Variants in ACSS3 observed in about 807,000 individuals in gnomAD.
ACSS3 encodes the protein acyl-CoA synthetase short-chain family member 3, mitochondrial.
In ACSS3, 64 loss-of-function variants were observed where a neutral mutation model predicts 84.2. That is an observed-to-expected ratio of 0.76 (90% CI 0.62 to 0.94). The LOEUF (loss-of-function observed/expected upper bound fraction) is 0.94, where lower values mean the gene tolerates loss of function less well. ACSS3 is among the 40% of genes least tolerant of loss of function. The probability of loss-of-function intolerance (pLI) is 0.00; values close to 1 mark genes in which losing one functional copy is unlikely to be tolerated. For missense variants in ACSS3, 815 were observed against 867.6 expected, an observed-to-expected ratio of 0.94 and a Z score of 0.76; for synonymous variants, 317 against 310.1, an observed-to-expected ratio of 1.02 and a Z score of -0.23.
intron 2 of ACSS3, chr12:81,125,519 C>T (rs1170420913): frequency 6.6e-6 from 1 of 152,140 alleles, no homozygotes; most frequent in Admixed American, 6.6e-5. Context: ...CCTCATTTTC[C>T]TTTCTTTCCT....
chr12:81,145,270 A>T (rs543357134), intron 5 of ACSS3, among the ~76,000 whole-genome samples: 2 of 151,886 alleles, frequency 1.3e-5, no homozygotes, highest in Non-Finnish European at 2.9e-5. Flanking sequence ...TAAATGGAAG[A>T]TCCTTTGATA....
At chr12:81,131,741 C>T (rs550713521) in intron 2 of ACSS3, among the ~76,000 whole-genome samples, 90 of 152,198 alleles carry the variant, frequency 5.9e-4, no homozygotes, top group Non-Finnish European at 1.0e-3. Context: ...TTTGGCCATT[C>T]GGTATGATAT....
intron 4 of ACSS3, among the ~76,000 whole-genome samples, chr12:81,141,426 C>A (rs1467351456): frequency 6.6e-6 from 1 of 152,226 alleles, no homozygotes; most frequent in African/African-American, 2.4e-5. Flanking sequence ...ACCTAAGCCT[C>A]AGGCAAACAA....
intron 7 of ACSS3, among the ~76,000 whole-genome samples, chr12:81,173,187 A>C (rs2030210292): frequency 6.6e-6 from 1 of 152,212 alleles, no homozygotes; most frequent in Admixed American, 6.5e-5. Context: ...GAAAGAATAA[A>C]GTTGTAGACT....
chr12:81,125,821 TG>T (rs1885052770), intron 2 of ACSS3: 1 of 152,216 alleles, frequency 6.6e-6, no homozygotes, highest in Non-Finnish European at 1.5e-5. Flanking sequence ...ACGTGTCCAA[TG>T]TGAATGGCAT....
chr12:81,216,955 C>G lies in ACSS3; in HGVS notation c.1409C>G (p.Pro470Arg). Residue 470 changes from proline (P) to arginine (R), a missense_variant, in exon 10 of 16, where the codon CCT becomes CGT. Transcript: ENST00000548058. ...GTTGGATTAGGCAATTCTAAAACAC[C>G]TCCACCAGGGCAAGCAGGAAAAAGC... Reference protein sequence around the residue: ...SCVGLGNSKTPPPGQAGKSVP... With the variant: ...SCVGLGNSKTRPPGQAGKSVP... 6.2e-7 allele frequency: 1 copy of G among 1,611,456 alleles called. No homozygotes were observed. Among genetic ancestry groups the G allele is most frequent in the Non-Finnish European group, 8.5e-7 (1 of 1,178,206 alleles).
At chr12:81,158,608 T>A (rs1565696760) in intron 7 of ACSS3, 1 of 154,222 alleles carries the variant, frequency 6.5e-6, no homozygotes, top group Non-Finnish European at 1.5e-5. Flanking sequence ...ATCATTCTCT[T>A]TCCTTCCAAG....
intron 13 of ACSS3, among the ~76,000 whole-genome samples, chr12:81,252,619 T>A (rs1009555069): frequency 1.3e-5 from 2 of 152,032 alleles, no homozygotes; most frequent in African/African-American, 2.4e-5. Flanking sequence ...ATATATATAT[T>A]AACCCTAAGC....
At chr12:81,142,179 G>C (rs907038201) in intron 4 of ACSS3, among the ~76,000 whole-genome samples, 1 of 152,180 alleles carries the variant, frequency 6.6e-6, no homozygotes, top group Non-Finnish European at 1.5e-5. Context: ...TCTCTAGATA[G>C]TAGATCTCAT....
rs555328534 is a variant in ACSS3 at position 81,087,117 on chromosome 12, A to G, written c.311+8686A>G. ...GTCCAATTGGAAATACGAGGATAGT[A>G]AAAAACAGAAGGTCTTTCAAATACT... On this transcript the variant is annotated intron_variant, in intron 1 of 15. Transcript: ENST00000548058. Among the ~76,000 whole-genome samples, 52 of 152,276 alleles carry G rather than the reference A, an allele frequency of 3.4e-4. 1 individual carries two copies. In the South Asian group the frequency reaches 1.0e-2, roughly 29 times the overall value.
intron 4 of ACSS3, 53 bp downstream of exon 4, chr12:81,139,318 G>A (rs758516692): frequency 1.9e-6 from 3 of 1,585,674 alleles, no homozygotes; most frequent in Non-Finnish European, 1.7e-6. Context: ...CTAAGAATGA[G>A]TTTAGTTTTT....
intron 13 of ACSS3, among the ~76,000 whole-genome samples, chr12:81,252,076 T>C (rs1921057): frequency 0.046 from 7,024 of 152,184 alleles, 225 homozygotes; most frequent in Non-Finnish European, 0.068. Context: ...ATGGTGCCTA[T>C]GAAGTCCTTC....
chr12:81,191,263 C>T (rs900617951), intron 8 of ACSS3, among the ~76,000 whole-genome samples: 1 of 152,070 alleles, frequency 6.6e-6, no homozygotes, highest in Admixed American at 6.5e-5. Flanking sequence ...AGTATTGTGA[C>T]ATGTATCCAT....
chr12:81,128,144 G>T, intron 2 of ACSS3, among the ~76,000 whole-genome samples: 1 of 151,440 alleles, frequency 6.6e-6, no homozygotes, highest in Non-Finnish European at 1.5e-5. Context: ...AATTTCAGTT[G>T]TTGCATTTTC....
chr12:81,187,665 A>T (rs1192642094), intron 8 of ACSS3, among the ~76,000 whole-genome samples: 1 of 151,744 alleles, frequency 6.6e-6, no homozygotes, highest in African/African-American at 2.4e-5. Context: ...GTGAAAAAAT[A>T]AAAAAAATTA....
intron 8 of ACSS3, among the ~76,000 whole-genome samples, chr12:81,195,010 A>C (rs1389133567): frequency 6.6e-6 from 1 of 152,026 alleles, no homozygotes; most frequent in East Asian, 1.9e-4. Flanking sequence ...CTCGATCTCT[A>C]GTTTCATATA....
At chr12:81,237,511 A>G (rs2033667115) in intron 13 of ACSS3, among the ~76,000 whole-genome samples, 1 of 151,550 alleles carries the variant, frequency 6.6e-6, no homozygotes, top group African/African-American at 2.4e-5. Context: ...TTCTTAAAAG[A>G]TGTTTAGATT....
At chr12:81,209,502 C>T (rs1453023968) in intron 9 of ACSS3, among the ~76,000 whole-genome samples, 1 of 151,956 alleles carries the variant, frequency 6.6e-6, no homozygotes, top group Non-Finnish European at 1.5e-5. Flanking sequence ...CTCCAAGTCT[C>T]CAAGTATTGT....
chr12:81,247,447 A>G (rs1187638213), intron 13 of ACSS3, among the ~76,000 whole-genome samples: 1 of 152,146 alleles, frequency 6.6e-6, no homozygotes, highest in African/African-American at 2.4e-5. Context: ...ATAGGCAGAA[A>G]ATAGGCAGTT....
Sources: allele counts gnomAD v4.1 joint callset (sites outside exome capture counted in the v4.1 genomes callset), GRCh38; gene constraint gnomAD v4.1.1; transcripts MANE v1.5; gene names NCBI Gene and HGNC (gene_info 2026-07-23, HGNC 2026-07-21).